Variants in CDH18 observed in about 807,000 individuals in gnomAD.
CDH18 encodes cadherin-18.
Under a neutral mutation model 67.9 loss-of-function variants are expected in CDH18, and 31 were observed. The ratio of observed to expected loss-of-function variants is 0.46; its 90% CI spans 0.34 to 0.62. The LOEUF (loss-of-function observed/expected upper bound fraction) is 0.62. Among genes scored for constraint, CDH18 ranks in the 20% least tolerant of loss-of-function variants. The probability of loss-of-function intolerance (pLI) is 0.01; values close to 1 mark genes in which losing one functional copy is unlikely to be tolerated. For missense variants in CDH18, 890 were observed against 975.5 expected, an observed-to-expected ratio of 0.91 and a Z score of 1.17; for synonymous variants, 362 against 347.2, an observed-to-expected ratio of 1.04 and a Z score of -0.48.
At chr5:20,418,372 C>T (rs1265582490) in intron 1 of CDH18, among the ~76,000 whole-genome samples, 7 of 151,046 alleles carry the variant, frequency 4.6e-5, no homozygotes, top group East Asian at 3.9e-4. Flanking sequence ...TGAGCCACCA[C>T]GCCCGGCCAA....
At chr5:19,811,088 AAG>A (rs1235351388) in intron 3 of CDH18, among the ~76,000 whole-genome samples, 2 of 25,808 alleles carry the variant, frequency 7.7e-5, no homozygotes, top group East Asian at 1.2e-3. Context: ...AAAAGAAAGA[AAG>A]AAAGAAAGAA....
At chr5:19,919,804 G>A (rs1163763603) in intron 2 of CDH18, among the ~76,000 whole-genome samples, 2 of 152,222 alleles carry the variant, frequency 1.3e-5, no homozygotes, top group African/African-American at 4.8e-5. Context: ...AAGAGAAAGG[G>A]ATTATTATAT....
At chr5:19,692,272 A>G (rs1365818324) in intron 5 of CDH18, among the ~76,000 whole-genome samples, 1 of 152,136 alleles carries the variant, frequency 6.6e-6, no homozygotes, top group Non-Finnish European at 1.5e-5. Flanking sequence ...CCAAAACTGC[A>G]AAACTACTAT....
At chr5:19,542,633 T>C (rs942883944) in intron 9 of CDH18, among the ~76,000 whole-genome samples, 5 of 152,140 alleles carry the variant, frequency 3.3e-5, no homozygotes, top group African/African-American at 1.2e-4. Context: ...ATTGAACACA[T>C]CATGCTCAAT....
chr5:19,912,814 G>A (rs1231980110), intron 2 of CDH18, among the ~76,000 whole-genome samples: 1 of 152,104 alleles, frequency 6.6e-6, no homozygotes, highest in Admixed American at 6.6e-5. Flanking sequence ...CAATAGGAGA[G>A]AGCAGGGCTT....
intron 1 of CDH18, among the ~76,000 whole-genome samples, chr5:20,448,128 C>T (rs1437749372): frequency 6.6e-6 from 1 of 151,896 alleles, no homozygotes; most frequent in African/African-American, 2.4e-5. Flanking sequence ...CAATTCCCAC[C>T]TATGATTGAG....
chr5:19,795,447 G>A lies in CDH18; in HGVS notation c.228+43312C>T, dbSNP rs118082404. On this transcript the variant is annotated intron_variant, in intron 3 of 12. Coordinates refer to ENST00000382275, the MANE Select transcript of CDH18 (RefSeq NM_004934.5). ...AAGCAACATCCACAGAATGGTCTAA[G>A]GGAAACCCATTTTGTGCCATCATGC... is the stretch of plus-strand genomic sequence containing the variant. Among the ~76,000 whole-genome samples, 12 of 152,234 alleles carry A rather than the reference G, an allele frequency of 7.9e-5. No individual in the cohort carries two copies. The East Asian group carries it at 2.1e-3, about 27-fold the overall frequency.
chr5:20,305,543 G>A (rs1361510410), intron 1 of CDH18: 12 of 774,500 alleles, frequency 1.5e-5, no homozygotes, highest in Non-Finnish European at 2.7e-5. Flanking sequence ...CGAGCGGCTG[G>A]TGGTCGCGGG....
chr5:20,478,118 G>A (rs1010152378), intron 1 of CDH18, among the ~76,000 whole-genome samples: 3 of 152,168 alleles, frequency 2.0e-5, no homozygotes, highest in Non-Finnish European at 1.5e-5. Context: ...AGTTCTCATT[G>A]CAGGACTTGG....
chr5:19,574,627 A>G (rs912604174), intron 7 of CDH18, among the ~76,000 whole-genome samples: 2 of 152,092 alleles, frequency 1.3e-5, no homozygotes, highest in African/African-American at 4.8e-5. Flanking sequence ...TAGTATTAGT[A>G]TTATAGTGAT....
chr5:19,935,663 T>C (rs1794167379), intron 2 of CDH18, among the ~76,000 whole-genome samples: 1 of 151,166 alleles, frequency 6.6e-6, no homozygotes, highest in Admixed American at 6.6e-5. Context: ...TCAGAATGTA[T>C]CTTCTTTGTT....
At chr5:20,546,708 T>C (rs537532996) in intron 1 of CDH18, among the ~76,000 whole-genome samples, 31 of 151,580 alleles carry the variant, frequency 2.0e-4, no homozygotes, top group African/African-American at 7.3e-4. Flanking sequence ...AGATGAGATT[T>C]GGGTAGGGAC....
intron 3 of CDH18, among the ~76,000 whole-genome samples, chr5:19,829,543 A>T (rs545632550): frequency 6.6e-5 from 10 of 152,280 alleles, no homozygotes; most frequent in East Asian, 1.9e-4. Context: ...TTTCAAAACA[A>T]TATTCAAAGA....
At chr5:20,003,872 G>C (rs1021447751) in intron 2 of CDH18, among the ~76,000 whole-genome samples, 2 of 152,142 alleles carry the variant, frequency 1.3e-5, no homozygotes, top group Non-Finnish European at 2.9e-5. Context: ...ACTCCAGCCT[G>C]GTCGACAGAG....
At chr5:19,859,447 T>G (rs556172539) in intron 2 of CDH18, among the ~76,000 whole-genome samples, 1 of 152,206 alleles carries the variant, frequency 6.6e-6, no homozygotes, top group East Asian at 1.9e-4. Flanking sequence ...AAAAGCTGTC[T>G]CTTGTGGGGA....
At chr5:19,805,931 A>G (rs1202406825) in intron 3 of CDH18, among the ~76,000 whole-genome samples, 1 of 152,156 alleles carries the variant, frequency 6.6e-6, no homozygotes, top group African/African-American at 2.4e-5. Context: ...ACACTTATGG[A>G]TAAACCATAT....
intron 1 of CDH18, among the ~76,000 whole-genome samples, chr5:20,542,143 ACCATG>A (rs1757083974): frequency 6.6e-6 from 1 of 152,104 alleles, no homozygotes; most frequent in African/African-American, 2.4e-5. Context: ...ACAGTGTTTC[ACCATG>A]TTCACCATCA....
At chr5:19,824,722 G>T (rs189394330) in intron 3 of CDH18, among the ~76,000 whole-genome samples, 115 of 152,286 alleles carry the variant, frequency 7.6e-4, no homozygotes, top group Non-Finnish European at 1.3e-3. Flanking sequence ...TCCCACTTCT[G>T]TGTGAACTCA....
intron 1 of CDH18, among the ~76,000 whole-genome samples, chr5:20,370,487 C>A: frequency 6.6e-6 from 1 of 151,974 alleles, no homozygotes; most frequent in East Asian, 1.9e-4. Context: ...TGACCGTTAC[C>A]CATAGCCTTA....
Sources: gnomAD v4.1 joint callset for allele counts (sites outside exome capture counted in the v4.1 genomes callset) on GRCh38, gnomAD v4.1.1 for gene constraint, MANE v1.5 for transcripts, NCBI Gene and HGNC (gene_info 2026-07-23, HGNC 2026-07-21) for gene names.